ATP8B1: variants seen among roughly 807,000 people sequenced by gnomAD.
ATP8B1 encodes phospholipid-transporting ATPase IC.
Under a neutral mutation model 149.9 loss-of-function variants are expected in ATP8B1, and 80 were observed. The ratio of observed to expected loss-of-function variants is 0.53; its 90% confidence interval spans 0.45 to 0.64. The LOEUF (loss-of-function observed/expected upper bound fraction) is 0.64, where lower values mean the gene tolerates loss of function less well. Among genes scored for constraint, ATP8B1 ranks in the 30% least tolerant of loss-of-function variants. ATP8B1 has a pLI of 0.00. For synonymous variants in ATP8B1, 536 were observed against 562.8 expected (o/e 0.95, Z 0.67); for missense variants, 1,247 against 1,552.6 (o/e 0.80, Z 3.31).
intron 4 of ATP8B1, 105 bp downstream of exon 4, chr18:57,704,450 C>A: frequency 1.2e-6 from 1 of 805,404 alleles, no homozygotes. Flanking sequence ...AACCCTGATG[C>A]TAATATAAAA....
intron 1 of ATP8B1, among the ~76,000 whole-genome samples, chr18:57,749,221 T>C (rs1422161291): frequency 6.6e-6 from 1 of 152,256 alleles, no homozygotes; most frequent in East Asian, 1.9e-4. Flanking sequence ...GATGAGGGCT[T>C]GGGTTTGATT....
intron 1 of ATP8B1, among the ~76,000 whole-genome samples, chr18:57,778,264 CG>C (rs2080326372): frequency 7.0e-6 from 1 of 143,744 alleles, no homozygotes; most frequent in Non-Finnish European, 1.5e-5. Context: ...CTCGCTCTGT[CG>C]CCCAGGCTGG....
intron 1 of ATP8B1, among the ~76,000 whole-genome samples, chr18:57,761,688 C>T (rs560380246): frequency 6.6e-6 from 1 of 150,808 alleles, no homozygotes; most frequent in Non-Finnish European, 1.5e-5. Flanking sequence ...GGTACAGTGG[C>T]TCACGTCTGT....
intron 6 of ATP8B1, among the ~76,000 whole-genome samples, chr18:57,698,563 G>A (rs1245196793): frequency 6.6e-6 from 1 of 152,060 alleles, no homozygotes; most frequent in African/African-American, 2.4e-5. Context: ...TCGAACTCCT[G>A]ACCTCAGGTG....
chr18:57,712,673 A>G (rs984016186), intron 2 of ATP8B1, among the ~76,000 whole-genome samples: 2 of 152,036 alleles, frequency 1.3e-5, no homozygotes, highest in African/African-American at 4.8e-5. Context: ...CACCAGCCAG[A>G]GCAGCTAGTG....
intron 1 of ATP8B1, among the ~76,000 whole-genome samples, chr18:57,797,069 A>C (rs1179445263): frequency 1.3e-5 from 2 of 152,126 alleles, no homozygotes; most frequent in Non-Finnish European, 2.9e-5. Context: ...ATCACACCAC[A>C]CTCTATAAAA....
intron 17 of ATP8B1, among the ~76,000 whole-genome samples, chr18:57,670,059 C>T (rs1911132377): frequency 6.6e-6 from 1 of 152,142 alleles, no homozygotes; most frequent in South Asian, 2.1e-4. Context: ...TTACCTTTCT[C>T]ATTTTCTCAT....
chr18:57,780,836 C>T (rs2080350048), intron 1 of ATP8B1, among the ~76,000 whole-genome samples: 1 of 152,106 alleles, frequency 6.6e-6, no homozygotes, highest in Non-Finnish European at 1.5e-5. Context: ...GCATGCCTGC[C>T]CCTCGTCCTG....
chr18:57,694,499 T>G (rs1339302976), intron 11 of ATP8B1, 83 bp downstream of exon 11: 2 of 986,086 alleles, frequency 2.0e-6, no homozygotes, highest in African/African-American at 3.2e-5. Context: ...GAGGTAAGAT[T>G]TTGTATTAGA....
At chr18:57,723,928 C>A (rs1015127497) in intron 2 of ATP8B1, among the ~76,000 whole-genome samples, 9 of 146,902 alleles carry the variant, frequency 6.1e-5, no homozygotes, top group African/African-American at 2.1e-4. Context: ...CAGAACAGAG[C>A]CCTCAGAAAT....
intron 17 of ATP8B1, among the ~76,000 whole-genome samples, chr18:57,670,731 A>G (rs1911173758): frequency 6.6e-6 from 1 of 151,888 alleles, no homozygotes; most frequent in Non-Finnish European, 1.5e-5. Context: ...ATTTTGACCA[A>G]GTTTTGCTCT....
At chr18:57,663,885 G>T (rs317850) in intron 20 of ATP8B1, among the ~76,000 whole-genome samples, 45,424 of 149,400 alleles carry the variant, frequency 0.3, 7,430 homozygotes, top group East Asian at 0.65. Flanking sequence ...TTCCACCTCA[G>T]CCTCCCAAGT....
intron 13 of ATP8B1, 114 bp from the exon 14 acceptor site, chr18:57,685,229 G>A (rs1438057658): frequency 7.1e-6 from 8 of 1,121,794 alleles, no homozygotes; most frequent in Non-Finnish European, 1.0e-5. Flanking sequence ...GCCTGGACAG[G>A]CTAAAATATT....
chr18:57,800,695 A>T (rs953189795), intron 1 of ATP8B1, among the ~76,000 whole-genome samples: 7 of 152,244 alleles, frequency 4.6e-5, no homozygotes, highest in African/African-American at 1.4e-4. Context: ...CAATCCAAAG[A>T]GATTGATAAT....
intron 6 of ATP8B1, 41 bp from the exon 7 acceptor site, chr18:57,697,908 T>G: frequency 6.6e-7 from 1 of 1,516,524 alleles, no homozygotes; most frequent in Non-Finnish European, 9.1e-7. Context: ...ACATTTTAAG[T>G]TACAGGCAAG....
intron 2 of ATP8B1, among the ~76,000 whole-genome samples, chr18:57,711,055 G>T (rs1222946754): frequency 6.6e-6 from 1 of 152,156 alleles, no homozygotes; most frequent in Non-Finnish European, 1.5e-5. Flanking sequence ...TAATGCTTGG[G>T]ATGACATTCT....
intron 24 of ATP8B1, among the ~76,000 whole-genome samples, chr18:57,653,785 C>T (rs984790149): frequency 1.3e-5 from 2 of 151,298 alleles, no homozygotes; most frequent in East Asian, 1.9e-4. Context: ...ATCAGCCTCC[C>T]GAGTAGCTGG....
intron 2 of ATP8B1, among the ~76,000 whole-genome samples, chr18:57,727,104 A>G (rs977827735): frequency 6.6e-6 from 1 of 152,172 alleles, no homozygotes; most frequent in Non-Finnish European, 1.5e-5. Flanking sequence ...CAAATAAATA[A>G]AAAGAATAAA....
chr18:57,706,549 G>A lies in ATP8B1; in HGVS notation c.220C>T (p.His74Tyr), dbSNP rs1391600031. 6.2e-7 allele frequency: 1 copy of A among 1,614,018 alleles called. No individual in the cohort carries two copies. Among genetic ancestry groups the A allele is most frequent in the South Asian group, 1.1e-5 (1 of 91,044 alleles). ...WQVKANDRKYHEQPHFMNTKF... is the reference protein window; with the variant it reads ...WQVKANDRKYYEQPHFMNTKF... ...GTGTTCATAAAGTGAGGTTGTTCGT[G>A]GTACTTGCGATCGTTTGCTTTGACT... is the stretch of plus-strand genomic sequence containing the variant. Residue 74 changes from histidine to tyrosine, a missense_variant, in exon 3 of 28, where the codon CAC (histidine) becomes TAC (tyrosine). Around this residue, in one of 3 missense-constraint regions of ATP8B1, gnomAD observed 853 missense variants for 1,035.7 expected, o/e 0.82. Transcript: ENST00000648908.
Sources: allele counts gnomAD v4.1 joint callset (sites outside exome capture counted in the v4.1 genomes callset), GRCh38; gene constraint gnomAD v4.1.1; regional missense constraint gnomAD v4.1.1; transcripts MANE v1.5; gene names NCBI Gene and HGNC (gene_info 2026-07-23, HGNC 2026-07-21).